Variants in FRY observed in about 807,000 individuals in gnomAD.
The protein encoded by FRY is FRY microtubule binding protein, also known as protein furry homolog.
A neutral mutation model predicts 348.4 loss-of-function variants in FRY; 128 were observed. The ratio of observed to expected loss-of-function variants is 0.37; its 90% CI spans 0.32 to 0.43. The LOEUF (loss-of-function observed/expected upper bound fraction) is 0.43. Among genes scored for constraint, FRY ranks in the 20% least tolerant of loss-of-function variants. The pLI is 1.00. For missense variants in FRY, 2,736 were observed against 3,695.2 expected, an observed-to-expected ratio of 0.74 and a Z score of 6.73; for synonymous variants, 1,370 against 1,374.7, an observed-to-expected ratio of 1.00 and a Z score of 0.08.
intron 46 of FRY, among the ~76,000 whole-genome samples, chr13:32,241,944 T>G (rs1400778531): frequency 6.6e-6 from 1 of 152,216 alleles, no homozygotes; most frequent in Non-Finnish European, 1.5e-5. Context: ...ACATATAATT[T>G]TGTGTCACTG....
intron 23 of FRY, among the ~76,000 whole-genome samples, chr13:32,182,532 C>A (rs958564671): frequency 6.6e-6 from 1 of 152,196 alleles, no homozygotes; most frequent in African/African-American, 2.4e-5. Flanking sequence ...CTCTTTTCCA[C>A]TAATTAGACT....
chr13:32,044,801 C>A (rs1872935193), intron 1 of FRY, among the ~76,000 whole-genome samples: 1 of 152,186 alleles, frequency 6.6e-6, no homozygotes, highest in African/African-American at 2.4e-5. Context: ...CTTGCTGCTT[C>A]CAGCCTTTGG....
Position 32,178,053 on chromosome 13 carries a change from T to C in FRY, c.2422-124T>C, listed in dbSNP as rs59569462. 7.2e-4 allele frequency: 708 copies of C among 983,978 alleles called. No individual in the cohort carries two copies. The African/African-American group carries it at 8.9e-3, about 12-fold the overall frequency. The allele number at this position is 983,978 out of a possible 1,614,324, so 61.0% of individuals were successfully genotyped here. On this transcript the variant is annotated intron_variant, in intron 20 of 60. Coordinates refer to ENST00000542859, the MANE Select transcript of FRY (RefSeq NM_023037.3). Reference sequence around the variant, plus strand: ...GTAGGTGCAGGATTGGTGTTTCAGATTCAAAGCCAGCCCAGTGCACTCAGC... The same window carrying C: ...GTAGGTGCAGGATTGGTGTTTCAGACTCAAAGCCAGCCCAGTGCACTCAGC...
chr13:32,161,081 T>C (rs2138179633), intron 16 of FRY, 63 bp from the exon 17 acceptor site: 1 of 1,056,632 alleles, frequency 9.5e-7, no homozygotes. Context: ...ATGCACTTAA[T>C]TCATTTTGTT....
chr13:32,095,256 G>A (rs1199802369), intron 2 of FRY, among the ~76,000 whole-genome samples: 1 of 149,598 alleles, frequency 6.7e-6, no homozygotes, highest in African/African-American at 2.5e-5. Context: ...ATCCATGTCA[G>A]ATGCATAGTT....
chr13:32,123,295 A>G (rs9590773), intron 4 of FRY, among the ~76,000 whole-genome samples: 2,962 of 152,292 alleles, frequency 0.019, 97 homozygotes, highest in African/African-American at 0.069. Context: ...AAATTATACT[A>G]TAAGGCCATA....
At chr13:32,035,216 A>G (rs929239370) in intron 1 of FRY, among the ~76,000 whole-genome samples, 6 of 152,328 alleles carry the variant, frequency 3.9e-5, no homozygotes, top group Middle Eastern at 3.4e-3. Flanking sequence ...GGGTTATTTT[A>G]TGAGTAATCA....
chr13:32,149,688 C>T, intron 13 of FRY, 60 bp from the exon 14 acceptor site: 1 of 980,420 alleles, frequency 1.0e-6, no homozygotes, highest in Non-Finnish European at 1.6e-6. Flanking sequence ...ATGAAAATAG[C>T]CATTTTCTGT....
chr13:32,089,181 G>A (rs545081245), intron 2 of FRY, among the ~76,000 whole-genome samples: 52 of 151,888 alleles, frequency 3.4e-4, no homozygotes, highest in Admixed American at 5.3e-4. Flanking sequence ...AATTTTAACC[G>A]GCACAAATTT....
At chr13:32,290,611 G>A (rs150346759) in intron 59 of FRY, among the ~76,000 whole-genome samples, 2 of 152,232 alleles carry the variant, frequency 1.3e-5, no homozygotes, top group African/African-American at 2.4e-5. Context: ...AAGACATGCC[G>A]CACCTAGGAG....
At chr13:32,064,102 A>G (rs1014853600) in intron 1 of FRY, among the ~76,000 whole-genome samples, 4 of 152,154 alleles carry the variant, frequency 2.6e-5, no homozygotes, top group Admixed American at 6.5e-5. Flanking sequence ...CGTATATAAT[A>G]TGTCATAGTA....
rs999055023 is a variant in FRY, at chr13:32,093,715, A to G, written c.271-8248A>G. Among the ~76,000 whole-genome samples, 5 of 152,174 alleles carry G rather than the reference A, an allele frequency of 3.3e-5. No homozygotes were observed. The East Asian group carries it at 9.6e-4, about 29-fold the overall frequency. On this transcript the variant is annotated intron_variant, in intron 2 of 60. Coordinates refer to ENST00000542859, the MANE Select transcript of FRY (RefSeq NM_023037.3). Reference sequence around the variant, plus strand: ...AAGTCTCAGTATTTTGGGTTTTCCCAGGGCCCCAGGTCCTCATTTGTTCAC... The same window carrying G: ...AAGTCTCAGTATTTTGGGTTTTCCCGGGGCCCCAGGTCCTCATTTGTTCAC...
At chr13:32,186,219 A>G in intron 26 of FRY, 41 bp from the exon 27 acceptor site, 2 of 1,409,238 alleles carry the variant, frequency 1.4e-6, no homozygotes, top group Non-Finnish European at 2.0e-6. Context: ...GATATACAGT[A>G]TGTCCAGTCT....
At chr13:32,041,748 C>T (rs188596051) in intron 1 of FRY, among the ~76,000 whole-genome samples, 379 of 152,206 alleles carry the variant, frequency 2.5e-3, no homozygotes, top group Non-Finnish European at 4.6e-3. Flanking sequence ...AATACAGCTG[C>T]GAGAGAATAG....
At chr13:32,186,453 CAGAT>C (rs1234100432) in intron 27 of FRY, 33 bp downstream of exon 27, 8 of 1,336,768 alleles carry the variant, frequency 6.0e-6, no homozygotes, top group African/African-American at 4.3e-5. Context: ...ATGACTGAGT[CAGAT>C]GGATGGTCTC....
At chr13:32,043,067 G>C (rs990616268) in intron 1 of FRY, among the ~76,000 whole-genome samples, 3 of 152,224 alleles carry the variant, frequency 2.0e-5, no homozygotes, top group African/African-American at 7.2e-5. Flanking sequence ...ACGTTTCCAT[G>C]TAGCTGGGGA....
At chr13:32,124,103 G>T (rs1478852914) in intron 4 of FRY, among the ~76,000 whole-genome samples, 183 bp from the exon 5 acceptor site, 78 of 152,270 alleles carry the variant, frequency 5.1e-4, no homozygotes, top group Non-Finnish European at 4.4e-5. Context: ...CTCCCAAAGT[G>T]CTGGGATTAC....
At chr13:32,133,355 A>ACACTAACC (rs1210525056) in intron 8 of FRY, among the ~76,000 whole-genome samples, 2 of 152,182 alleles carry the variant, frequency 1.3e-5, no homozygotes, top group African/African-American at 4.8e-5. Context: ...GATGATAATG[A>ACACTAACC]CACTAACCTT....
At chr13:32,185,266 T>A in intron 26 of FRY, 118 bp downstream of exon 26, 1 of 839,602 alleles carries the variant, frequency 1.2e-6, no homozygotes. Context: ...GATGGTGAAG[T>A]TTATTTACTT....
Sources: allele counts gnomAD v4.1 joint callset (sites outside exome capture counted in the v4.1 genomes callset), GRCh38; gene constraint gnomAD v4.1.1; transcripts MANE v1.5; gene names NCBI Gene and HGNC (gene_info 2026-07-23, HGNC 2026-07-21).